FAM81A: variants seen among roughly 807,000 people sequenced by gnomAD.
FAM81A encodes the protein protein FAM81A.
In FAM81A, 19 loss-of-function variants were observed where a neutral mutation model predicts 46.7. The ratio of observed to expected loss-of-function variants is 0.41; its 90% CI spans 0.28 to 0.60. The LOEUF (loss-of-function observed/expected upper bound fraction) is 0.60. FAM81A is among the 20% of genes least tolerant of loss of function. The pLI is 0.34. For missense variants in FAM81A, 377 were observed against 453.5 expected (o/e 0.83, Z 1.53); for synonymous variants, 183 against 152.9 (o/e 1.20, Z -1.45).
chr15:59,447,501 G>A (rs1316157769), intron 1 of FAM81A, among the ~76,000 whole-genome samples: 1 of 152,206 alleles, frequency 6.6e-6, no homozygotes, highest in Non-Finnish European at 1.5e-5. Context: ...GAGACAGAGT[G>A]TGCTTATTTG....
intron 2 of FAM81A, among the ~76,000 whole-genome samples, 180 bp downstream of exon 2, chr15:59,458,826 T>C (rs1253168701): frequency 6.6e-6 from 1 of 152,224 alleles, no homozygotes; most frequent in Non-Finnish European, 1.5e-5. Flanking sequence ...CCCCAAGAAG[T>C]AGAGATTTCA....
At chr15:59,473,083 G>C (rs75243651) in intron 3 of FAM81A, among the ~76,000 whole-genome samples, 15 of 152,218 alleles carry the variant, frequency 9.9e-5, no homozygotes, top group Non-Finnish European at 1.6e-4. Context: ...TAAATCTAAC[G>C]ACAGGTAAAA....
At chr15:59,510,850 A>T (rs1415279486) in intron 6 of FAM81A, among the ~76,000 whole-genome samples, 1 of 151,392 alleles carries the variant, frequency 6.6e-6, no homozygotes, top group Non-Finnish European at 1.5e-5. Flanking sequence ...TGGAATTTTA[A>T]AAAGACAGCC....
At chr15:59,515,438 C>G (rs746331205) in intron 7 of FAM81A, among the ~76,000 whole-genome samples, 5 of 152,076 alleles carry the variant, frequency 3.3e-5, no homozygotes, top group Non-Finnish European at 7.4e-5. Context: ...ACATCTCTGA[C>G]TCTGCTCTCT....
intron 1 of FAM81A, among the ~76,000 whole-genome samples, chr15:59,457,747 A>G (rs374981244): frequency 3.9e-5 from 6 of 152,250 alleles, no homozygotes; most frequent in Admixed American, 1.3e-4. Flanking sequence ...GATGACGCCA[A>G]AACAGTGATT....
intron 2 of FAM81A, among the ~76,000 whole-genome samples, chr15:59,459,531 A>C (rs1188038688): frequency 6.6e-6 from 1 of 152,018 alleles, no homozygotes; most frequent in East Asian, 1.9e-4. Flanking sequence ...AGTATGCTTC[A>C]CTCATTTATG....
chr15:59,406,342 A>G (rs1465106960), intron 2 of FAM81A, among the ~76,000 whole-genome samples: 1 of 152,202 alleles, frequency 6.6e-6, no homozygotes, highest in Non-Finnish European at 1.5e-5. Context: ...CCACTTACAG[A>G]TGAGGAGATT....
At chr15:59,496,478 G>A (rs374398214) in intron 4 of FAM81A, among the ~76,000 whole-genome samples, 12 of 152,210 alleles carry the variant, frequency 7.9e-5, no homozygotes, top group South Asian at 6.2e-4. Flanking sequence ...GGCGGCCTGC[G>A]CCTGTAGTCC....
intron 6 of FAM81A, among the ~76,000 whole-genome samples, chr15:59,510,030 A>G (rs927706012): frequency 6.6e-6 from 1 of 152,194 alleles, no homozygotes; most frequent in Non-Finnish European, 1.5e-5. Flanking sequence ...AGAATGGCAG[A>G]CAAGCATACA....
chr15:59,472,637 A>C (rs1438298434), intron 3 of FAM81A, among the ~76,000 whole-genome samples: 4 of 151,774 alleles, frequency 2.6e-5, no homozygotes, highest in Non-Finnish European at 4.4e-5. Context: ...TGTAGCCTCT[A>C]ACTCCTGGGT....
At chr15:59,515,817 T>C (rs1267303646) in intron 7 of FAM81A, among the ~76,000 whole-genome samples, 1 of 152,192 alleles carries the variant, frequency 6.6e-6, no homozygotes, top group African/African-American at 2.4e-5. Flanking sequence ...CCCAGGATAA[T>C]AGTGGCTTTC....
chr15:59,449,162 TG>T (rs2081385773), intron 1 of FAM81A, among the ~76,000 whole-genome samples: 1 of 152,210 alleles, frequency 6.6e-6, no homozygotes, highest in Non-Finnish European at 1.5e-5. Context: ...TCCAATTTCA[TG>T]GTCCTAGAAT....
chr15:59,437,470 G>C (rs557624246), upstream of FAM81A, among the ~76,000 whole-genome samples: 71 of 152,180 alleles, frequency 4.7e-4, no homozygotes, highest in Admixed American at 9.2e-4. Context: ...GAAAGAGCCA[G>C]GACGCGCTGG....
At chr15:59,445,943 G>A (rs775086877) in intron 1 of FAM81A, among the ~76,000 whole-genome samples, 1 of 152,128 alleles carries the variant, frequency 6.6e-6, no homozygotes, top group African/African-American at 2.4e-5. Context: ...GTGAGTGCCC[G>A]GGCCCACTGC....
intron 1 of FAM81A, among the ~76,000 whole-genome samples, chr15:59,400,293 C>T (rs2081064898): frequency 6.6e-6 from 1 of 152,084 alleles, no homozygotes; most frequent in Non-Finnish European, 1.5e-5. Context: ...CCCTCCCCGC[C>T]CACATCCAGC....
intron 3 of FAM81A, among the ~76,000 whole-genome samples, chr15:59,466,609 C>T (rs1481276710): frequency 6.6e-6 from 1 of 151,524 alleles, no homozygotes; most frequent in Non-Finnish European, 1.5e-5. Flanking sequence ...GATGTTAGCC[C>T]TTTGTCAGAT....
intron 4 of FAM81A, among the ~76,000 whole-genome samples, chr15:59,496,319 C>G (rs553332388): frequency 6.6e-6 from 1 of 152,296 alleles, no homozygotes; most frequent in African/African-American, 2.4e-5. Context: ...TGAAAAATCA[C>G]TTGGCGGCCG....
At chr15:59,403,900 TTGAG>T (rs1326928842) in intron 2 of FAM81A, among the ~76,000 whole-genome samples, 1 of 151,324 alleles carries the variant, frequency 6.6e-6, no homozygotes, top group Non-Finnish European at 1.5e-5. Context: ...TTTTTTTTTT[TTGAG>T]ACAGAGTCTC....
chr15:59,465,488 G>A (rs1453109047), intron 3 of FAM81A, among the ~76,000 whole-genome samples: 1 of 152,134 alleles, frequency 6.6e-6, no homozygotes, highest in Admixed American at 6.6e-5. Flanking sequence ...GGCTAGGCTG[G>A]TCTCCAACTC....
Sources: allele counts gnomAD v4.1 joint callset (sites outside exome capture counted in the v4.1 genomes callset), GRCh38; gene constraint gnomAD v4.1.1; transcripts MANE v1.5; gene names NCBI Gene and HGNC (gene_info 2026-07-23, HGNC 2026-07-21).